The following NTM variants were observed in gnomAD, a reference collection of about 807,000 sequenced individuals.
NTM encodes the protein neurotrimin.
A neutral mutation model predicts 42.1 loss-of-function variants in NTM; 13 were observed. The ratio of observed to expected loss-of-function variants is 0.31; its 90% CI spans 0.20 to 0.49. The LOEUF is 0.49. Ranked by LOEUF, NTM falls within the 20% of genes least tolerant of loss-of-function variation. NTM has a pLI of 0.99. For missense variants in NTM, 373 were observed against 452.8 expected, an observed-to-expected ratio of 0.82 and a Z score of 1.60; for synonymous variants, 187 against 179.2, an observed-to-expected ratio of 1.04 and a Z score of -0.35.
At chr11:131,800,055 T>C (rs1320274295) in intron 1 of NTM, among the ~76,000 whole-genome samples, 1 of 152,186 alleles carries the variant, frequency 6.6e-6, no homozygotes, top group Non-Finnish European at 1.5e-5. Context: ...CTCAGCACAC[T>C]CTAGATCCTC....
intron 1 of NTM, among the ~76,000 whole-genome samples, chr11:131,744,415 C>G (rs2081548434): frequency 6.6e-6 from 1 of 152,072 alleles, no homozygotes; most frequent in South Asian, 2.1e-4. Context: ...TGCAAATCAA[C>G]CCCTCCTTCC....
At chr11:131,846,579 ATT>A (rs2044931370) in intron 1 of NTM, among the ~76,000 whole-genome samples, 1 of 152,142 alleles carries the variant, frequency 6.6e-6, no homozygotes, top group Admixed American at 6.5e-5. Flanking sequence ...TTTTAAAATT[ATT>A]GTTTGTATTT....
At chr11:131,943,922 GA>G (rs5795749) in intron 2 of NTM, among the ~76,000 whole-genome samples, 120,359 of 150,932 alleles carry the variant, frequency 0.8, 47,978 homozygotes, top group East Asian at 0.94. Flanking sequence ...TTTCTAAAAG[GA>G]AAAAAAAAAA....
intron 3 of NTM, among the ~76,000 whole-genome samples, chr11:132,208,933 A>G (rs1446599339): frequency 6.6e-6 from 1 of 152,178 alleles, no homozygotes; most frequent in Non-Finnish European, 1.5e-5. Context: ...AGGCCAGCAC[A>G]GACATTCTGC....
At chr11:132,058,115 AT>A (rs1240944056) in intron 2 of NTM, among the ~76,000 whole-genome samples, 1 of 151,538 alleles carries the variant, frequency 6.6e-6, no homozygotes, top group African/African-American at 2.4e-5. Context: ...AGCCTCTTTT[AT>A]TTTGTTTCTT....
At chr11:131,816,452 C>G (rs760747432) in intron 1 of NTM, among the ~76,000 whole-genome samples, 1 of 151,564 alleles carries the variant, frequency 6.6e-6, no homozygotes, top group Non-Finnish European at 1.5e-5. Context: ...TCCTGGATAC[C>G]CTGTATCTTA....
chr11:131,553,633 C>G (rs113832187), intron 1 of NTM, among the ~76,000 whole-genome samples: 1 of 152,162 alleles, frequency 6.6e-6, no homozygotes, highest in East Asian at 1.9e-4. Flanking sequence ...CTACCAAAAC[C>G]TTAGAACTGT....
Position 131,742,528 on chromosome 11 carries a change from T to C in NTM, c.83-169036T>C, listed in dbSNP as rs185682192. Among the ~76,000 whole-genome samples the C allele has an allele frequency of 3.9e-5, 6 of 152,326 alleles. No homozygotes were observed. The East Asian group carries it at 1.2e-3, about 29-fold the overall frequency. On this transcript the variant is annotated intron_variant, in intron 1 of 8. Transcript: ENST00000683400. The stretch of plus-strand genomic sequence containing the variant: ...TCTGAATTATGATACAGTTTTTCTA[T>C]TGGACTGGAAAAATAACCTTTGTGA...
rs576162979 is a variant in NTM at position 131,435,960 on chromosome 11, C to T, written c.82+65072C>T. On this transcript the variant is annotated intron_variant, in intron 1 of 8. Transcript: ENST00000683400. Reference sequence around the variant, plus strand: ...GCTTTTATTATTTTAAGATACGTTCCGTCAGTACCTAGGTTACTGAGAGTT... The same window carrying T: ...GCTTTTATTATTTTAAGATACGTTCTGTCAGTACCTAGGTTACTGAGAGTT... Among the ~76,000 whole-genome samples, 12 of 152,270 alleles carry T rather than the reference C, an allele frequency of 7.9e-5. No homozygotes were observed. The South Asian group carries it at 1.2e-3, about 16-fold the overall frequency.
chr11:131,748,650 A>G (rs934122164), intron 1 of NTM, among the ~76,000 whole-genome samples: 20 of 152,242 alleles, frequency 1.3e-4, no homozygotes, highest in African/African-American at 4.8e-4. Context: ...CTCTGAGTGA[A>G]TCACACATCG....
At chr11:132,095,804 G>A (rs1383673757) in intron 2 of NTM, among the ~76,000 whole-genome samples, 1 of 152,098 alleles carries the variant, frequency 6.6e-6, no homozygotes, top group African/African-American at 2.4e-5. Flanking sequence ...CATTAACCTG[G>A]GGTGCTTCAA....
At chr11:131,741,028 G>C (rs2135576571) in intron 1 of NTM, among the ~76,000 whole-genome samples, 1 of 152,286 alleles carries the variant, frequency 6.6e-6, no homozygotes, top group East Asian at 1.9e-4. Flanking sequence ...AACCGGGCAT[G>C]GTGGCAAGTG....
intron 1 of NTM, chr11:131,541,011 T>A (rs986144147): frequency 6.6e-6 from 1 of 152,220 alleles, no homozygotes; most frequent in African/African-American, 2.4e-5. Context: ...TTATTATAAT[T>A]GCCTCTAATT....
intron 2 of NTM, among the ~76,000 whole-genome samples, chr11:132,075,945 G>C (rs2058306637): frequency 6.6e-6 from 1 of 152,118 alleles, no homozygotes; most frequent in Admixed American, 6.5e-5. Context: ...CCTGAACTAA[G>C]GTAAATGTCG....
chr11:131,887,586 A>G (rs185718177), intron 1 of NTM, among the ~76,000 whole-genome samples: 1 of 152,370 alleles, frequency 6.6e-6, no homozygotes, highest in East Asian at 1.9e-4. Flanking sequence ...TTCTAAAAAA[A>G]CTACAGATCC....
chr11:131,800,551 T>C (rs1167500803), intron 1 of NTM, among the ~76,000 whole-genome samples: 1 of 152,270 alleles, frequency 6.6e-6, no homozygotes, highest in East Asian at 1.9e-4. Context: ...CACTTGGTTT[T>C]GCTGCTTTTA....
chr11:132,071,592 G>A (rs1240474213), intron 2 of NTM, among the ~76,000 whole-genome samples: 2 of 152,226 alleles, frequency 1.3e-5, no homozygotes, highest in African/African-American at 4.8e-5. Context: ...TAATGGGAGT[G>A]TGGGGAAGGG....
At chr11:132,204,315 G>A (rs1289911499) in intron 3 of NTM, among the ~76,000 whole-genome samples, 1 of 152,198 alleles carries the variant, frequency 6.6e-6, no homozygotes, top group Non-Finnish European at 1.5e-5. Context: ...CAATTTGTTT[G>A]CATTTGCATA....
chr11:132,234,831 TA>T (rs757554462), intron 4 of NTM, among the ~76,000 whole-genome samples: 8 of 152,252 alleles, frequency 5.3e-5, no homozygotes, highest in Admixed American at 4.6e-4. Context: ...TTCTTCTACA[TA>T]ACTTTGTTAC....
Sources: allele counts gnomAD v4.1 joint callset (sites outside exome capture counted in the v4.1 genomes callset), GRCh38; gene constraint gnomAD v4.1.1; transcripts MANE v1.5; gene names NCBI Gene and HGNC (gene_info 2026-07-23, HGNC 2026-07-21).